FAM222A: variants seen among roughly 807,000 people sequenced by gnomAD.
FAM222A encodes the protein protein FAM222A.
In FAM222A, 7 loss-of-function variants were observed where a neutral mutation model predicts 25.8. The ratio of observed to expected loss-of-function variants is 0.27; its 90% CI spans 0.15 to 0.51. The LOEUF (loss-of-function observed/expected upper bound fraction) is 0.51, where lower values mean the gene tolerates loss of function less well. Ranked by LOEUF, FAM222A falls within the 20% of genes least tolerant of loss-of-function variation. FAM222A has a pLI of 0.97. For missense variants in FAM222A, 573 were observed against 640.5 expected (o/e 0.89, Z 1.14); for synonymous variants, 294 against 298.8 (o/e 0.98, Z 0.17).
chr12:109,748,405 A>G (rs1358199840), intron 2 of FAM222A, among the ~76,000 whole-genome samples: 1 of 150,772 alleles, frequency 6.6e-6, no homozygotes, highest in East Asian at 1.9e-4. Flanking sequence ...CATGAAGAAA[A>G]TAGAGGCTTT....
At position 109,768,316 on chromosome 12, in the gene FAM222A, C is replaced by T. The variant is rs780835586; in HGVS notation, c.387C>T (p.Ala129=). 13 of 1,603,412 alleles carry T rather than the reference C, an allele frequency of 8.1e-6. No individual in the cohort carries two copies. Among genetic ancestry groups the T allele is most frequent in the Admixed American group, 3.4e-5 (2 of 58,970 alleles). The change falls in exon 3 of 3, where the codon GCC becomes GCT. Residue 129 remains alanine, a synonymous_variant. Coordinates refer to ENST00000538780, the MANE Select transcript of FAM222A (RefSeq NM_032829.3). ...CCGCCAAAAGTGTGCTCAAGAGCGC[C>T]GAGGGCAAGCGGACCAAGCTGTCAC... is the stretch of plus-strand genomic sequence containing the variant. ...AGPAKSVLKS[A]EGKRTKLSPA...
At chr12:109,719,783 G>A (rs573980359) in intron 1 of FAM222A, among the ~76,000 whole-genome samples, 1 of 152,116 alleles carries the variant, frequency 6.6e-6, no homozygotes, top group Non-Finnish European at 1.5e-5. Context: ...TGTGCAGGGG[G>A]CATCGGGTGC....
intron 2 of FAM222A, among the ~76,000 whole-genome samples, chr12:109,759,159 T>A (rs940282773): frequency 1.3e-5 from 2 of 152,218 alleles, no homozygotes; most frequent in African/African-American, 4.8e-5. Flanking sequence ...CCAAGTCTCC[T>A]GACTGCCACT....
intron 1 of FAM222A, among the ~76,000 whole-genome samples, chr12:109,719,747 T>C (rs1330376231): frequency 1.3e-5 from 2 of 151,160 alleles, no homozygotes; most frequent in Non-Finnish European, 3.0e-5. Flanking sequence ...TATAAGATGG[T>C]GGAGGTGAAA....
At chr12:109,726,800 C>G (rs1007076292) in intron 1 of FAM222A, among the ~76,000 whole-genome samples, 1 of 152,174 alleles carries the variant, frequency 6.6e-6, no homozygotes, top group Non-Finnish European at 1.5e-5. Flanking sequence ...ATGCTGAGAA[C>G]ATGCCTGGCC....
intron 2 of FAM222A, among the ~76,000 whole-genome samples, chr12:109,745,587 C>T (rs555202945): frequency 6.6e-6 from 1 of 152,196 alleles, no homozygotes; most frequent in South Asian, 2.1e-4. Context: ...CTGTTCCCCA[C>T]CCCTCACCAT....
intron 1 of FAM222A, among the ~76,000 whole-genome samples, chr12:109,727,201 C>T (rs1254856454): frequency 6.6e-6 from 1 of 152,114 alleles, no homozygotes; most frequent in Non-Finnish European, 1.5e-5. Flanking sequence ...ACACACTGGC[C>T]TTTGTGTGAG....
intron 2 of FAM222A, among the ~76,000 whole-genome samples, chr12:109,749,295 G>A (rs137918282): frequency 0.011 from 1,628 of 152,138 alleles, 27 homozygotes; most frequent in African/African-American, 0.037. Context: ...TAGTAGAGAC[G>A]GGGTTTCTCC....
intron 2 of FAM222A, among the ~76,000 whole-genome samples, chr12:109,759,486 A>G (rs1003081648): frequency 2.0e-5 from 3 of 152,148 alleles, no homozygotes; most frequent in African/African-American, 7.2e-5. Flanking sequence ...CCCTATAGCA[A>G]CATTAAATCC....
rs970254358 is a variant in FAM222A at position 109,736,848 on chromosome 12, G to A, written c.-46-7253G>A. ...GCTGGCCGTGGTGCTGACAGGCCCA[G>A]GAATGGCCACCTACCCCCAGACCCC... On this transcript the variant is annotated intron_variant, in intron 1 of 2. Coordinates refer to ENST00000538780, the MANE Select transcript of FAM222A (RefSeq NM_032829.3). Among the ~76,000 whole-genome samples the A allele has an allele frequency of 2.0e-5, 3 of 152,148 alleles. 1 individual carries two copies. Among genetic ancestry groups the A allele is most frequent in the African/African-American group, 7.2e-5 (3 of 41,438 alleles).
chr12:109,720,891 G>A (rs549389262), intron 1 of FAM222A, among the ~76,000 whole-genome samples: 2 of 152,218 alleles, frequency 1.3e-5, no homozygotes, highest in Non-Finnish European at 2.9e-5. Flanking sequence ...CAAGCCAGAC[G>A]TGGGCCCTGC....
chr12:109,746,081 AG>A, intron 2 of FAM222A, among the ~76,000 whole-genome samples: 1 of 152,230 alleles, frequency 6.6e-6, no homozygotes, highest in Non-Finnish European at 1.5e-5. Flanking sequence ...GAGACTTATC[AG>A]TATTTCCTTT....
chr12:109,723,060 G>A (rs1267113042), intron 1 of FAM222A, among the ~76,000 whole-genome samples: 2 of 151,974 alleles, frequency 1.3e-5, no homozygotes, highest in African/African-American at 4.8e-5. Flanking sequence ...AATTATTAGC[G>A]ATCTCAGGAT....
chr12:109,718,375 G>A (rs1460229822), intron 1 of FAM222A, among the ~76,000 whole-genome samples: 1 of 151,612 alleles, frequency 6.6e-6, no homozygotes, highest in Non-Finnish European at 1.5e-5. Flanking sequence ...TTGGCCGGGG[G>A]TCCCTCCCCA....
At chr12:109,750,169 A>C (rs1369364582) in intron 2 of FAM222A, among the ~76,000 whole-genome samples, 1 of 152,186 alleles carries the variant, frequency 6.6e-6, no homozygotes, top group Non-Finnish European at 1.5e-5. Context: ...AATAATAAGG[A>C]AGGTTGGTGG....
chr12:109,721,367 C>T (rs986601144), intron 1 of FAM222A, among the ~76,000 whole-genome samples: 10 of 152,220 alleles, frequency 6.6e-5, no homozygotes, highest in African/African-American at 2.4e-4. Context: ...CCACCCCTCC[C>T]AACCCAGACT....
rs76461703 is a variant in FAM222A, at chr12:109,750,377, G to A, written c.82+6149G>A. ...TTTGATTCCAGCTATTAAAATTGACGATATCAGGCTTGGCACAGTGGCTCA... is the reference window on the plus strand; with the variant it reads ...TTTGATTCCAGCTATTAAAATTGACAATATCAGGCTTGGCACAGTGGCTCA... On this transcript the variant is annotated intron_variant, in intron 2 of 2. Transcript: ENST00000538780. Among the ~76,000 whole-genome samples the A allele has an allele frequency of 5.5e-3, 839 of 152,198 alleles. 3 individuals carry two copies. The highest frequency in any genetic ancestry group is 0.02 in the Middle Eastern group (6 of 294).
chr12:109,727,785 G>A (rs1887870585), intron 1 of FAM222A, among the ~76,000 whole-genome samples: 3 of 152,168 alleles, frequency 2.0e-5, no homozygotes, highest in Admixed American at 2.0e-4. Context: ...TAGGGGAAGA[G>A]CAGAGATAGG....
intron 1 of FAM222A, among the ~76,000 whole-genome samples, chr12:109,733,469 T>G (rs1887997773): frequency 3.9e-5 from 6 of 152,116 alleles, no homozygotes; most frequent in Admixed American, 3.3e-4. Flanking sequence ...TGGCGTGTGA[T>G]CTCAGCTCAC....
Sources: allele counts gnomAD v4.1 joint callset (sites outside exome capture counted in the v4.1 genomes callset), GRCh38; gene constraint gnomAD v4.1.1; transcripts MANE v1.5; gene names NCBI Gene and HGNC (gene_info 2026-07-23, HGNC 2026-07-21).